Variants in ATP9B observed in about 807,000 individuals in gnomAD.
ATP9B encodes the protein ATPase phospholipid transporting 9B.
Under a neutral mutation model 146.1 loss-of-function variants are expected in ATP9B, and 110 were observed. The ratio of observed to expected loss-of-function variants is 0.75; its 90% CI spans 0.65 to 0.88. The LOEUF is 0.88. Ranked by LOEUF, ATP9B falls within the 40% of genes least tolerant of loss-of-function variation. ATP9B has a pLI of 0.00. For missense variants in ATP9B, 1,499 were observed against 1,496.4 expected, an observed-to-expected ratio of 1.00 and a Z score of -0.03; for synonymous variants, 604 against 569.7, an observed-to-expected ratio of 1.06 and a Z score of -0.86.
intron 1 of ATP9B, among the ~76,000 whole-genome samples, chr18:79,077,661 C>T (rs1398315966): frequency 6.6e-6 from 1 of 152,198 alleles, no homozygotes; most frequent in Non-Finnish European, 1.5e-5. Context: ...GTCACTTGTG[C>T]TAGGTGCCAC....
chr18:79,223,690 T>A (rs1013459808), intron 11 of ATP9B, among the ~76,000 whole-genome samples: 3 of 152,218 alleles, frequency 2.0e-5, no homozygotes, highest in South Asian at 2.1e-4. Flanking sequence ...TAGCACAGCC[T>A]TCACTTGCAT....
intron 26 of ATP9B, among the ~76,000 whole-genome samples, chr18:79,365,859 G>T (rs1362258030): frequency 6.6e-6 from 1 of 151,542 alleles, no homozygotes; most frequent in African/African-American, 2.4e-5. Context: ...CAGCTTGTGC[G>T]TGGATGGAAG....
intron 1 of ATP9B, among the ~76,000 whole-genome samples, chr18:79,075,572 C>T (rs147667189): frequency 4.6e-5 from 7 of 152,310 alleles, no homozygotes; most frequent in African/African-American, 1.7e-4. Context: ...CCATGTGTCT[C>T]TGGTAATTTT....
chr18:79,297,891 C>T (rs571695876), intron 13 of ATP9B, among the ~76,000 whole-genome samples: 1 of 146,928 alleles, frequency 6.8e-6, no homozygotes, highest in Non-Finnish European at 1.5e-5. Flanking sequence ...GGAAGGGATG[C>T]AGAAAAGCAT....
chr18:79,237,530 A>G (rs919016322), intron 11 of ATP9B, among the ~76,000 whole-genome samples: 11 of 152,270 alleles, frequency 7.2e-5, no homozygotes, highest in African/African-American at 2.4e-4. Flanking sequence ...TTAAATGTCT[A>G]TAGATCTTCA....
At chr18:79,361,704 G>T (rs3826565) in intron 26 of ATP9B, 344,945 of 877,856 alleles carry the variant, frequency 0.39, 68,513 homozygotes, top group Middle Eastern at 0.51. Context: ...TGAAGCTAAA[G>T]AACTATTTTG....
intron 21 of ATP9B, among the ~76,000 whole-genome samples, chr18:79,344,857 G>A (rs1376215423): frequency 9.9e-5 from 15 of 152,188 alleles, no homozygotes; most frequent in Non-Finnish European, 7.3e-5. Context: ...TGTTGCATCC[G>A]CTGGAGCAGG....
chr18:79,248,159 C>T (rs1422615022), intron 11 of ATP9B, among the ~76,000 whole-genome samples: 1 of 152,348 alleles, frequency 6.6e-6, no homozygotes, highest in East Asian at 1.9e-4. Context: ...GCATGTACTA[C>T]ACACACTTAA....
At chr18:79,157,312 C>T (rs887154130) in intron 7 of ATP9B, among the ~76,000 whole-genome samples, 6 of 137,020 alleles carry the variant, frequency 4.4e-5, no homozygotes, top group Non-Finnish European at 7.6e-5. Flanking sequence ...AGGAGAATCA[C>T]TTGAACCTGG....
At chr18:79,227,375 T>C (rs1316609006) in intron 11 of ATP9B, among the ~76,000 whole-genome samples, 5 of 133,418 alleles carry the variant, frequency 3.7e-5, no homozygotes, top group African/African-American at 8.5e-5. Context: ...TCAGGCCGCG[T>C]GTGTGTGTGA....
chr18:79,273,384 A>G (rs1424250584), intron 12 of ATP9B, among the ~76,000 whole-genome samples: 3 of 152,228 alleles, frequency 2.0e-5, no homozygotes, highest in Non-Finnish European at 4.4e-5. Flanking sequence ...AAAAATGGAA[A>G]GATTTCACAG....
chr18:79,344,445 G>A, intron 21 of ATP9B, 91 bp downstream of exon 21: 1 of 1,156,504 alleles, frequency 8.6e-7, no homozygotes, highest in Non-Finnish European at 1.3e-6. Flanking sequence ...TCTCAGGCAA[G>A]GCTGGACCCT....
intron 1 of ATP9B, among the ~76,000 whole-genome samples, chr18:79,093,440 T>C (rs1034112241): frequency 2.0e-5 from 3 of 152,228 alleles, no homozygotes; most frequent in African/African-American, 4.8e-5. Context: ...CTATATGTAA[T>C]GAGTTGTGTT....
At chr18:79,328,143 TGTGGTTAGCGTGCTCTCC>T (rs929450084) in intron 15 of ATP9B, among the ~76,000 whole-genome samples, 3 of 126,858 alleles carry the variant, frequency 2.4e-5, no homozygotes, top group South Asian at 5.5e-4. Flanking sequence ...GCGTGCTCTC[TGTGGTTAGCGTGCTCTCC>T]GTGGTTAGTG....
intron 4 of ATP9B, chr18:79,117,218 G>A (rs1404778775): frequency 6.6e-6 from 1 of 152,158 alleles, no homozygotes; most frequent in African/African-American, 2.4e-5. Context: ...GCTCCTTCAT[G>A]TCCAGCCATA....
Position 79,235,488 on chromosome 18 carries a change from G to A in ATP9B, c.1108-17893G>A, listed in dbSNP as rs548702472. Among the ~76,000 whole-genome samples the A allele has an allele frequency of 7.7e-4, 117 of 151,836 alleles. 1 individual carries two copies. Among genetic ancestry groups the A allele is most frequent in the East Asian group, 1.7e-3 (9 of 5,162 alleles). ...TTGACGGTCAGTATTTGAATTTTGC[G>A]TAATAACAATTATAATACTTGTTTT... On this transcript the variant is annotated intron_variant, in intron 11 of 29. Transcript: ENST00000426216.
intron 2 of ATP9B, among the ~76,000 whole-genome samples, chr18:79,106,844 C>T (rs559563741): frequency 6.6e-6 from 1 of 152,198 alleles, no homozygotes; most frequent in African/African-American, 2.4e-5. Context: ...GTGATGGTGA[C>T]GTTAAGGTTT....
intron 13 of ATP9B, among the ~76,000 whole-genome samples, chr18:79,301,606 TAACA>T (rs1447621096): frequency 6.6e-6 from 1 of 152,254 alleles, no homozygotes; most frequent in East Asian, 1.9e-4. Flanking sequence ...TCTACTTATT[TAACA>T]AGAGTAGCAT....
chr18:79,347,185 C>G (rs2096894419), intron 23 of ATP9B, among the ~76,000 whole-genome samples: 1 of 152,232 alleles, frequency 6.6e-6, no homozygotes, highest in African/African-American at 2.4e-5. Context: ...ATCTGTGTTA[C>G]TCTCTCCTTC....
Sources: gnomAD v4.1 joint callset for allele counts (sites outside exome capture counted in the v4.1 genomes callset) on GRCh38, gnomAD v4.1.1 for gene constraint, MANE v1.5 for transcripts, NCBI Gene and HGNC (gene_info 2026-07-23, HGNC 2026-07-21) for gene names.